The following RBFOX2 variants were observed in gnomAD, a reference collection of about 807,000 sequenced individuals.
RBFOX2 encodes the protein RNA binding fox-1 homolog 2, also known as RNA binding protein fox-1 homolog 2.
RBFOX2 carries 10 observed loss-of-function variants against 49.1 expected under a neutral mutation model. The ratio of observed to expected loss-of-function variants is 0.20; its 90% CI spans 0.13 to 0.35. RBFOX2 has a LOEUF of 0.35. Ranked by LOEUF, RBFOX2 falls within the 10% of genes least tolerant of loss-of-function variation. RBFOX2 has a pLI of 1.00. For synonymous variants in RBFOX2, 183 were observed against 187.4 expected (o/e 0.98, Z 0.19); for missense variants, 323 against 486.9 (o/e 0.66, Z 3.17).
chr22:35,936,073 G>A (rs1245673605), intron 1 of RBFOX2, among the ~76,000 whole-genome samples: 1 of 151,960 alleles, frequency 6.6e-6, no homozygotes. Flanking sequence ...CAGGCCGGGT[G>A]TGGTGGCACA....
intron 1 of RBFOX2, among the ~76,000 whole-genome samples, chr22:35,876,832 T>C (rs2045172334): frequency 6.6e-6 from 1 of 152,126 alleles, no homozygotes; most frequent in Admixed American, 6.6e-5. Flanking sequence ...ACCAGTAATG[T>C]ACCTGAACTA....
chr22:35,818,768 C>G (rs377287093), intron 1 of RBFOX2, among the ~76,000 whole-genome samples: 59 of 152,266 alleles, frequency 3.9e-4, no homozygotes, highest in African/African-American at 1.2e-3. Flanking sequence ...TCCTGAGCAA[C>G]AGAGAGAGAC....
chr22:35,803,692 A>T (rs1186278844), intron 2 of RBFOX2, among the ~76,000 whole-genome samples: 1 of 152,098 alleles, frequency 6.6e-6, no homozygotes, highest in African/African-American at 2.4e-5. Context: ...ATAATAATAA[A>T]AATTAAAGAA....
chr22:36,013,471 A>C (rs1420983529), intron 1 of RBFOX2, among the ~76,000 whole-genome samples: 3 of 152,218 alleles, frequency 2.0e-5, no homozygotes, highest in Non-Finnish European at 2.9e-5. Flanking sequence ...CATTTTACAA[A>C]GAAAGCTGAG....
chr22:35,849,751 G>T (rs2041689227), intron 1 of RBFOX2, among the ~76,000 whole-genome samples: 1 of 152,184 alleles, frequency 6.6e-6, no homozygotes, highest in Admixed American at 6.6e-5. Context: ...AGTCTACGCA[G>T]ATAGGTATGC....
At chr22:35,761,065 G>A in intron 8 of RBFOX2, 137 bp downstream of exon 9, 1 of 709,018 alleles carries the variant, frequency 1.4e-6, no homozygotes, top group Admixed American at 2.7e-5. Flanking sequence ...GCAGGACAGG[G>A]CACTGGGATA....
intron 1 of RBFOX2, among the ~76,000 whole-genome samples, chr22:35,870,237 G>A (rs1200266353): frequency 2.6e-5 from 4 of 152,300 alleles, no homozygotes; most frequent in South Asian, 2.1e-4. Context: ...GGTTGGGCAC[G>A]GTGGCTCATG....
chr22:35,767,245 C>A (rs535000698), intron 5 of RBFOX2, among the ~76,000 whole-genome samples: 1 of 152,244 alleles, frequency 6.6e-6, no homozygotes, highest in African/African-American at 2.4e-5. Context: ...GGAAGAGGAA[C>A]AACAAGTCAA....
chr22:35,823,284 A>AGAGCTCCC (rs1310782364), intron 1 of RBFOX2, among the ~76,000 whole-genome samples: 1 of 152,204 alleles, frequency 6.6e-6, no homozygotes, highest in Admixed American at 6.5e-5. Flanking sequence ...TTTTGCTCAG[A>AGAGCTCCC]GAGCTCCCAT....
At chr22:35,853,658 CGTGTGTGTGTGTGTGTGTGTGT>C (rs36048607) in intron 1 of RBFOX2, among the ~76,000 whole-genome samples, 427 of 141,132 alleles carry the variant, frequency 3.0e-3, no homozygotes, top group African/African-American at 0.01. Context: ...TATATACACA[CGTGTGTGTGTGTGTGTGTGTGT>C]GTGTGTGTGT....
At chr22:36,005,753 A>G (rs1275882931) in intron 1 of RBFOX2, among the ~76,000 whole-genome samples, 5 of 152,208 alleles carry the variant, frequency 3.3e-5, no homozygotes, top group Non-Finnish European at 2.9e-5. Context: ...TGGTCATTAC[A>G]GAATAAGAGG....
At chr22:35,934,300 A>G (rs1268766102) in intron 1 of RBFOX2, among the ~76,000 whole-genome samples, 3 of 152,176 alleles carry the variant, frequency 2.0e-5, no homozygotes, top group Non-Finnish European at 4.4e-5. Flanking sequence ...GAGTAAGCAT[A>G]TATTTGTTTA....
intron 1 of RBFOX2, among the ~76,000 whole-genome samples, chr22:35,987,169 A>G (rs1261444512): frequency 6.6e-6 from 1 of 152,190 alleles, no homozygotes; most frequent in African/African-American, 2.4e-5. Flanking sequence ...TCAGTCTTAC[A>G]TTTGTAAAAT....
intron 1 of RBFOX2, among the ~76,000 whole-genome samples, chr22:35,973,316 C>A (rs1470804378): frequency 6.6e-6 from 1 of 152,104 alleles, no homozygotes; most frequent in Admixed American, 6.5e-5. Flanking sequence ...TAAAGGCTGG[C>A]GCTATAAACT....
exon 1 of RBFOX2, chr22:36,028,250 C>A: frequency 6.5e-7 from 1 of 1,528,970 alleles, no homozygotes; most frequent in Non-Finnish European, 8.7e-7. Context: ...CTGCATCCCG[C>A]CGCCACCGTC....
intron 1 of RBFOX2, among the ~76,000 whole-genome samples, chr22:35,918,845 C>T (rs1380228275): frequency 2.6e-5 from 4 of 152,182 alleles, no homozygotes; most frequent in African/African-American, 7.2e-5. Flanking sequence ...CCTTTAGCTG[C>T]AATTCCTCAA....
At chr22:35,981,641 CAAA>C (rs879304923) in intron 1 of RBFOX2, among the ~76,000 whole-genome samples, 2 of 96,656 alleles carry the variant, frequency 2.1e-5, no homozygotes, top group Admixed American at 9.8e-5. Context: ...GACTCCATTT[CAAA>C]AAAAAAAAAA....
intron 1 of RBFOX2, among the ~76,000 whole-genome samples, chr22:35,822,658 A>G (rs1009682638): frequency 6.6e-5 from 10 of 152,176 alleles, no homozygotes; most frequent in Admixed American, 6.5e-5. Context: ...TGTTAGTGTA[A>G]GCCACTAGCA....
At chr22:35,764,836 G>A (rs1295135559) in intron 6 of RBFOX2, among the ~76,000 whole-genome samples, 1 of 152,056 alleles carries the variant, frequency 6.6e-6, no homozygotes, top group Non-Finnish European at 1.5e-5. Context: ...GGTAACTGAT[G>A]TAACAAATTA....
Sources: gnomAD v4.1 joint callset for allele counts (sites outside exome capture counted in the v4.1 genomes callset) on GRCh38, gnomAD v4.1.1 for gene constraint, MANE v1.5 for transcripts, NCBI Gene and HGNC (gene_info 2026-07-23, HGNC 2026-07-21) for gene names.